Variants in LRCH2 observed in about 807,000 individuals in gnomAD.
The protein encoded by LRCH2 is leucine rich repeats and calponin homology domain containing 2, also known as leucine-rich repeat and calponin homology domain-containing protein 2.
Under a neutral mutation model 68.9 loss-of-function variants are expected in LRCH2, and 38 were observed. The ratio of observed to expected loss-of-function variants is 0.55; its 90% CI spans 0.43 to 0.72. The LOEUF is 0.72. Ranked by LOEUF, LRCH2 falls within the 30% of genes least tolerant of loss-of-function variation. The pLI, the probability that LRCH2 is intolerant of heterozygous loss-of-function variation, is 0.00. For synonymous variants in LRCH2, 191 were observed against 208.1 expected, an observed-to-expected ratio of 0.92 and a Z score of 0.71; for missense variants, 528 against 572.9, an observed-to-expected ratio of 0.92 and a Z score of 0.80.
intron 1 of LRCH2, among the ~76,000 whole-genome samples, chrX:115,194,149 A>G (rs2072869445): frequency 9.0e-6 from 1 of 111,481 alleles, no homozygotes; most frequent in Admixed American, 9.6e-5. Context: ...AGATACATAT[A>G]GAGAAGGAGA....
intron 1 of LRCH2, among the ~76,000 whole-genome samples, chrX:115,226,137 G>T (rs1379495154): frequency 1.8e-5 from 2 of 111,328 alleles, no homozygotes; most frequent in Non-Finnish European, 3.8e-5. Flanking sequence ...AGAAAAAGGA[G>T]GAGGGGGGAA....
At chrX:115,119,895 A>C (rs2072120971) in intron 20 of LRCH2, among the ~76,000 whole-genome samples, 1 of 110,888 alleles carries the variant, frequency 9.0e-6, no homozygotes, top group Non-Finnish European at 1.9e-5. Flanking sequence ...TCTTTGACAG[A>C]CCTGAGAAAA....
chrX:115,143,490 T>C (rs1157871485), intron 14 of LRCH2, among the ~76,000 whole-genome samples: 2 of 111,382 alleles, frequency 1.8e-5, no homozygotes, highest in African/African-American at 6.5e-5. Context: ...CTGTAATAAA[T>C]AGTCTCCCAG....
chrX:115,205,148 C>A (rs2072956563), intron 1 of LRCH2, among the ~76,000 whole-genome samples: 1 of 111,628 alleles, frequency 9.0e-6, no homozygotes, highest in Non-Finnish European at 1.9e-5. Context: ...CACTTATAAA[C>A]CATCAGATCT....
At chrX:115,229,223 A>C (rs1417481266) in intron 1 of LRCH2, among the ~76,000 whole-genome samples, 2 of 111,673 alleles carry the variant, frequency 1.8e-5, no homozygotes, top group Admixed American at 9.5e-5. Context: ...GTGTTTAATA[A>C]CTGCTTTTTT....
chrX:115,192,785 A>G, intron 1 of LRCH2: 2 of 624,165 alleles, frequency 3.2e-6, no homozygotes, highest in Non-Finnish European at 4.9e-6. Flanking sequence ...CTCCATTTTT[A>G]TGCTTTTGTG....
chrX:115,193,196 C>T (rs1456854670), intron 1 of LRCH2, among the ~76,000 whole-genome samples: 1 of 111,036 alleles, frequency 9.0e-6, no homozygotes, highest in East Asian at 2.8e-4. Context: ...TATGTTCACT[C>T]AGTAAATCTG....
chrX:115,184,917 A>C (rs1335869632), intron 2 of LRCH2, among the ~76,000 whole-genome samples: 1 of 112,007 alleles, frequency 8.9e-6, no homozygotes, highest in East Asian at 2.8e-4. Flanking sequence ...CTCCGAGCTC[A>C]ATAATGTCAG....
intron 1 of LRCH2, among the ~76,000 whole-genome samples, chrX:115,223,238 C>T (rs782498322): frequency 9.0e-6 from 1 of 111,394 alleles, no homozygotes; most frequent in Non-Finnish European, 1.9e-5. Flanking sequence ...AAACTATAAA[C>T]TCAGAATACA....
chrX:115,192,474 C>T (rs1556561385), intron 1 of LRCH2: 1 of 1,170,850 alleles, frequency 8.5e-7, no homozygotes, highest in Non-Finnish European at 1.1e-6. Context: ...GCGACCGCTA[C>T]TCGAGGGGTC....
chrX:115,200,177 T>C (rs1438340296), intron 1 of LRCH2, among the ~76,000 whole-genome samples: 2 of 110,996 alleles, frequency 1.8e-5, no homozygotes, highest in Non-Finnish European at 3.8e-5. Context: ...TAAATGCCTA[T>C]TATCAAAAAA....
intron 1 of LRCH2, chrX:115,191,469 G>A (rs782295622): frequency 1.8e-6 from 2 of 1,111,180 alleles, no homozygotes; most frequent in African/African-American, 4.6e-5. Context: ...GAGGCCGCTT[G>A]CTCGATGCCA....
chrX:115,111,811 T>TA lies in LRCH2; in HGVS notation c.*1404dup, dbSNP rs1460434615. On this transcript the variant is annotated 3_prime_UTR_variant, in exon 21 of 21. Transcript: ENST00000317135. ...ACACTAGTTTTTTACCTTTTATATA[T>TA]ACCCTTTGAAATACCCAGGCCAACA... 9.0e-6 allele frequency: 1 copy of TA among 111,658 alleles called. No homozygotes were observed. The highest frequency in any genetic ancestry group is 1.9e-5 in the Non-Finnish European group (1 of 52,917). The allele number at this position is 111,658 out of a possible 1,213,427, so 9.2% of individuals were successfully genotyped here. A position where few individuals can be genotyped will look rare whatever the true frequency, so the allele number is the denominator to read the frequency against.
chrX:115,118,930 G>T (rs1291850515), intron 20 of LRCH2, among the ~76,000 whole-genome samples: 16 of 111,258 alleles, frequency 1.4e-4, no homozygotes, highest in African/African-American at 4.6e-4. Context: ...CATGATTATC[G>T]CAATAGATGC....
rs782039579 is a variant in LRCH2, at chrX:115,227,602, C to T, written c.349+6091G>A. 2.8e-5 allele frequency among the ~76,000 whole-genome samples: 3 copies of T among 108,532 alleles called. No individual in the cohort carries two copies. The South Asian group carries it at 1.2e-3, about 44-fold the overall frequency. 94.2% of individuals were successfully genotyped at this position (108,532 alleles called of 115,157 possible). ...TGTAATTATTTCCCATTGACATAGA[C>T]ATCCCCAACCAAGTAGCTCAAAATA... On this transcript the variant is annotated intron_variant, in intron 1 of 20. Coordinates refer to ENST00000317135, the MANE Select transcript of LRCH2 (RefSeq NM_020871.4).
At chrX:115,138,656 A>G (rs2072310371) in intron 14 of LRCH2, among the ~76,000 whole-genome samples, 1 of 111,945 alleles carries the variant, frequency 8.9e-6, no homozygotes. Context: ...GCAAAGAAAT[A>G]CAAGATGATA....
At chrX:115,202,957 A>G (rs1422646726) in intron 1 of LRCH2, among the ~76,000 whole-genome samples, 1 of 111,821 alleles carries the variant, frequency 8.9e-6, no homozygotes, top group African/African-American at 3.3e-5. Flanking sequence ...TTTGGGAGGA[A>G]AAGAGGGAAT....
chrX:115,221,261 C>T (rs1339682577), intron 1 of LRCH2, among the ~76,000 whole-genome samples: 1 of 95,257 alleles, frequency 1.0e-5, no homozygotes, highest in Non-Finnish European at 2.0e-5. Context: ...CAGCAAATTT[C>T]CAAACTGTTA....
At chrX:115,202,514 T>A (rs2072937588) in intron 1 of LRCH2, among the ~76,000 whole-genome samples, 2 of 112,107 alleles carry the variant, frequency 1.8e-5, no homozygotes, top group African/African-American at 6.5e-5. Context: ...ATAAATTATA[T>A]AAATAAATTT....
Sources: gnomAD v4.1 joint callset for allele counts (sites outside exome capture counted in the v4.1 genomes callset) on GRCh38, gnomAD v4.1.1 for gene constraint, MANE v1.5 for transcripts, NCBI Gene and HGNC (gene_info 2026-07-23, HGNC 2026-07-21) for gene names.